Variants in NRXN3 observed in about 807,000 individuals in gnomAD.
The protein encoded by NRXN3 is neurexin 3.
NRXN3 carries 32 observed loss-of-function variants against 137.6 expected under a neutral mutation model. The ratio of observed to expected loss-of-function variants is 0.23; its 90% CI spans 0.18 to 0.31. The LOEUF is 0.31. Among genes scored for constraint, NRXN3 ranks in the 10% least tolerant of loss-of-function variants. The pLI is 1.00. For missense variants in NRXN3, 1,574 were observed against 2,062.5 expected, an observed-to-expected ratio of 0.76 and a Z score of 4.59; for synonymous variants, 798 against 784.5, an observed-to-expected ratio of 1.02 and a Z score of -0.29.
At chr14:79,487,643 A>T (rs2096669969) in intron 16 of NRXN3, among the ~76,000 whole-genome samples, 1 of 146,102 alleles carries the variant, frequency 6.8e-6, no homozygotes, top group Non-Finnish European at 1.5e-5. Flanking sequence ...CCTGAGGATA[A>T]TGGCAGCTGC....
At chr14:78,941,377 A>C (rs959222984) in intron 10 of NRXN3, among the ~76,000 whole-genome samples, 3 of 152,122 alleles carry the variant, frequency 2.0e-5, no homozygotes, top group African/African-American at 7.2e-5. Context: ...GCTGGCAGGG[A>C]TTCACCTTTC....
At chr14:79,541,866 T>C (rs1278777743) in intron 16 of NRXN3, among the ~76,000 whole-genome samples, 3 of 152,114 alleles carry the variant, frequency 2.0e-5, no homozygotes, top group African/African-American at 7.2e-5. Flanking sequence ...GAAAACCTAT[T>C]GTAGGAATTT....
At chr14:78,539,819 T>C (rs548040261) in intron 4 of NRXN3, among the ~76,000 whole-genome samples, 1 of 152,350 alleles carries the variant, frequency 6.6e-6, no homozygotes, top group African/African-American at 2.4e-5. Context: ...TTTGTTATCA[T>C]TGGTTTCAAA....
chr14:79,539,109 G>C (rs2097246010), intron 16 of NRXN3, among the ~76,000 whole-genome samples: 1 of 152,128 alleles, frequency 6.6e-6, no homozygotes, highest in African/African-American at 2.4e-5. Context: ...ACCCAGCCTG[G>C]AGTGCAGTGG....
At chr14:79,127,026 GT>G (rs1199411954) in intron 15 of NRXN3, among the ~76,000 whole-genome samples, 1 of 152,006 alleles carries the variant, frequency 6.6e-6, no homozygotes. Flanking sequence ...GGGATTGTTT[GT>G]TTTTTTCTTG....
chr14:78,716,558 G>A (rs557560853), intron 8 of NRXN3, among the ~76,000 whole-genome samples: 2 of 152,270 alleles, frequency 1.3e-5, no homozygotes, highest in African/African-American at 2.4e-5. Context: ...ACAGAAGAAC[G>A]TTTTGAGGAG....
intron 6 of NRXN3, among the ~76,000 whole-genome samples, chr14:78,664,926 G>A (rs2097869733): frequency 6.6e-6 from 1 of 152,152 alleles, no homozygotes; most frequent in Non-Finnish European, 1.5e-5. Flanking sequence ...TTGTTCCAAA[G>A]TTCCAATTTC....
chr14:79,457,685 CT>C (rs1306992773), intron 15 of NRXN3, among the ~76,000 whole-genome samples: 4 of 152,172 alleles, frequency 2.6e-5, no homozygotes, highest in African/African-American at 7.2e-5. Context: ...TTTACAGCCC[CT>C]GGCCTCTTGT....
chr14:78,937,264 T>C (rs1328560680), intron 10 of NRXN3, among the ~76,000 whole-genome samples: 1 of 151,856 alleles, frequency 6.6e-6, no homozygotes. Flanking sequence ...CCATTTAACA[T>C]GTTCAGTCTA....
At chr14:78,421,316 G>A (rs1458285168) in intron 4 of NRXN3, among the ~76,000 whole-genome samples, 1 of 151,596 alleles carries the variant, frequency 6.6e-6, no homozygotes, top group African/African-American at 2.4e-5. Context: ...TGTAGGAGCT[G>A]GAGGATTGTT....
Position 78,484,607 on chromosome 14 carries a change from G to T in NRXN3, c.758-160513G>T, listed in dbSNP as rs2095533186. Reference sequence around the variant, plus strand: ...TGTAAATCACTGCATATGAGGGAGTGGTACTGGAACATGGAGCTTGAAGAT... The same window carrying T: ...TGTAAATCACTGCATATGAGGGAGTTGTACTGGAACATGGAGCTTGAAGAT... On this transcript the variant is annotated intron_variant, in intron 4 of 20. Transcript: ENST00000335750. 2.0e-5 allele frequency among the ~76,000 whole-genome samples: 3 copies of T among 152,134 alleles called. 1 individual carries two copies. In the South Asian group the frequency reaches 6.2e-4, roughly 32 times the overall value.
At position 79,020,711 on chromosome 14, in the gene NRXN3, G is replaced by A. The variant is rs182433338; in HGVS notation, c.3262+32570G>A. On this transcript the variant is annotated intron_variant, in intron 15 of 20. Coordinates refer to ENST00000335750, the MANE Select transcript of NRXN3 (RefSeq NM_001330195.2). ...AAGGAACATTTAAAAAACAAAGTTT[G>A]TTCTCTTTGATCTTGGGGAAAGTAA... Among the ~76,000 whole-genome samples, 22 of 152,156 alleles carry A rather than the reference G, an allele frequency of 1.4e-4. No individual in the cohort carries two copies. The East Asian group carries it at 3.9e-3, about 27-fold the overall frequency.
At chr14:78,892,989 C>T (rs904593658) in intron 10 of NRXN3, among the ~76,000 whole-genome samples, 7 of 151,972 alleles carry the variant, frequency 4.6e-5, no homozygotes, top group Admixed American at 1.3e-4. Context: ...CTAATTCCAG[C>T]GTCTCAACTA....
intron 4 of NRXN3, among the ~76,000 whole-genome samples, chr14:78,377,719 GGT>G (rs2088162693): frequency 6.6e-6 from 1 of 152,110 alleles, no homozygotes; most frequent in Non-Finnish European, 1.5e-5. Flanking sequence ...GCCTTTCCTT[GGT>G]GTGCCTGCAC....
chr14:78,608,571 A>AT (rs1357676696), intron 4 of NRXN3, among the ~76,000 whole-genome samples: 1 of 152,176 alleles, frequency 6.6e-6, no homozygotes, highest in Non-Finnish European at 1.5e-5. Flanking sequence ...AAACCTTCTT[A>AT]TTAAGCTCAG....
In NRXN3 at chr14:79,758,659, A is replaced by T. The variant is rs560326569; in HGVS notation, c.4015-46453A>T. ...AAAGGGTGAACTGCACAAGGATACT[A>T]TATCTCCAAACAAATGCCCAGTTAG... On this transcript the variant is annotated intron_variant, in intron 19 of 20. Transcript: ENST00000335750. Among the ~76,000 whole-genome samples the T allele has an allele frequency of 3.7e-4, 56 of 152,288 alleles. No individual in the cohort carries two copies. The South Asian group carries it at 0.011, about 29-fold the overall frequency.
chr14:79,712,111 T>C (rs1461909134), intron 19 of NRXN3, among the ~76,000 whole-genome samples: 4 of 152,112 alleles, frequency 2.6e-5, no homozygotes, highest in Non-Finnish European at 5.9e-5. Context: ...AAAACAACAA[T>C]AACAAAAGAA....
intron 4 of NRXN3, among the ~76,000 whole-genome samples, chr14:78,643,175 T>C (rs182715705): frequency 1.1e-3 from 175 of 152,360 alleles, no homozygotes; most frequent in African/African-American, 3.9e-3. Context: ...TTACAGCTCT[T>C]ACTTTATGAT....
chr14:78,346,010 C>T (rs894972035), intron 4 of NRXN3, among the ~76,000 whole-genome samples: 1 of 152,120 alleles, frequency 6.6e-6, no homozygotes, highest in African/African-American at 2.4e-5. Context: ...CCATTAAAGG[C>T]TTTGGGACAC....
Sources: allele counts gnomAD v4.1 joint callset (sites outside exome capture counted in the v4.1 genomes callset), GRCh38; gene constraint gnomAD v4.1.1; transcripts MANE v1.5; gene names NCBI Gene and HGNC (gene_info 2026-07-23, HGNC 2026-07-21).